NRXN1: variants seen among roughly 807,000 people sequenced by gnomAD.
NRXN1 encodes neurexin-1.
NRXN1 carries 39 observed loss-of-function variants against 150.9 expected under a neutral mutation model. The observed-to-expected ratio is 0.26, with a 90% CI of 0.20 to 0.34. NRXN1 has a LOEUF of 0.34. NRXN1 is among the 10% of genes least tolerant of loss of function. The pLI, the probability that NRXN1 is intolerant of heterozygous loss-of-function variation, is 1.00. For missense variants in NRXN1, 1,815 were observed against 1,949.9 expected (o/e 0.93, Z 1.30); for synonymous variants, 924 against 757.0 (o/e 1.22, Z -3.62).
chr2:50,484,446 C>A (rs1022814887), intron 15 of NRXN1, among the ~76,000 whole-genome samples: 3 of 152,088 alleles, frequency 2.0e-5, no homozygotes, highest in African/African-American at 7.2e-5. Flanking sequence ...AAGCAGGGAT[C>A]CCTCCTCCAG....
intron 2 of NRXN1, among the ~76,000 whole-genome samples, chr2:50,998,664 T>A (rs1181158451): frequency 1.3e-5 from 2 of 152,034 alleles, no homozygotes; most frequent in East Asian, 1.9e-4. Flanking sequence ...AAACTATTAA[T>A]GTTAGGATTA....
intron 16 of NRXN1, among the ~76,000 whole-genome samples, chr2:50,468,749 T>C (rs904223238): frequency 6.6e-6 from 1 of 151,424 alleles, no homozygotes; most frequent in Non-Finnish European, 1.5e-5. Flanking sequence ...TTTAGGAATG[T>C]CACCTTACTT....
At chr2:50,762,122 TACACACACACACAC>T (rs35059030) in intron 5 of NRXN1, among the ~76,000 whole-genome samples, 8 of 145,842 alleles carry the variant, frequency 5.5e-5, no homozygotes, top group Non-Finnish European at 9.1e-5. Flanking sequence ...TATATGTGTA[TACACACACACACAC>T]ACACACACAC....
chr2:50,483,044 C>T (rs368018521), intron 15 of NRXN1, among the ~76,000 whole-genome samples: 2 of 88,700 alleles, frequency 2.3e-5, no homozygotes, highest in Admixed American at 1.4e-4. Flanking sequence ...GGGAGAGACT[C>T]CGTGTCAAAA....
chr2:50,320,832 T>C (rs895317042), intron 17 of NRXN1, among the ~76,000 whole-genome samples: 17 of 152,268 alleles, frequency 1.1e-4, no homozygotes, highest in African/African-American at 3.9e-4. Flanking sequence ...GTTTCATTCA[T>C]TGAACTATTG....
At position 50,204,361 on chromosome 2, in the gene NRXN1, TG is replaced by T. The variant is rs771079050; in HGVS notation, c.3546+32427del. 8.9e-3 allele frequency among the ~76,000 whole-genome samples: 1,351 copies of T among 151,650 alleles called. 10 individuals carry two copies. Among genetic ancestry groups the T allele is most frequent in the Non-Finnish European group, 0.012 (805 of 67,838 alleles). ...AATACCGTGTGTGTGTGTGTGTGTG[TG>T]TGTGTGTGTGTATGTTTGTATGTAA... On this transcript the variant is annotated intron_variant, in intron 18 of 22. Coordinates refer to ENST00000401669, the MANE Select transcript of NRXN1 (RefSeq NM_001330078.2).
intron 5 of NRXN1, among the ~76,000 whole-genome samples, chr2:50,791,318 A>AAAC (rs1268736729): frequency 1.3e-5 from 2 of 150,126 alleles, no homozygotes; most frequent in Non-Finnish European, 3.0e-5. Flanking sequence ...TTGCTACAAA[A>AAAC]AAAAAAAAAA....
At chr2:50,718,213 A>C (rs1696116538) in intron 5 of NRXN1, among the ~76,000 whole-genome samples, 1 of 152,146 alleles carries the variant, frequency 6.6e-6, no homozygotes, top group Non-Finnish European at 1.5e-5. Context: ...GACTTTTATG[A>C]GACTTATTTT....
intron 8 of NRXN1, among the ~76,000 whole-genome samples, chr2:50,558,550 T>A (rs529617457): frequency 6.6e-6 from 1 of 152,330 alleles, no homozygotes; most frequent in African/African-American, 2.4e-5. Context: ...GTGTATCTAC[T>A]GATTAAAATG....
intron 16 of NRXN1, among the ~76,000 whole-genome samples, chr2:50,469,696 T>C (rs2104683625): frequency 6.6e-6 from 1 of 151,300 alleles, no homozygotes. Flanking sequence ...AAATTAAAAG[T>C]TGTTCACCTT....
intron 5 of NRXN1, among the ~76,000 whole-genome samples, chr2:50,674,102 A>T (rs369458619): frequency 3.9e-5 from 6 of 152,154 alleles, no homozygotes; most frequent in Non-Finnish European, 8.8e-5. Context: ...TATAATAAAA[A>T]AAAGGAAAGT....
intron 5 of NRXN1, among the ~76,000 whole-genome samples, chr2:50,861,086 C>G (rs548627542): frequency 6.6e-6 from 1 of 152,110 alleles, no homozygotes; most frequent in East Asian, 1.9e-4. Context: ...TCATTGTTTA[C>G]AGTTGGTGGT....
intron 5 of NRXN1, among the ~76,000 whole-genome samples, chr2:50,814,753 T>G (rs115411175): frequency 3.3e-5 from 5 of 152,314 alleles, no homozygotes; most frequent in African/African-American, 1.2e-4. Context: ...ACAAAGGTAT[T>G]TGATACATTT....
At chr2:49,938,390 T>C (rs546912148) in intron 22 of NRXN1, among the ~76,000 whole-genome samples, 64 of 152,306 alleles carry the variant, frequency 4.2e-4, no homozygotes, top group African/African-American at 1.5e-3. Context: ...TATCATTGCT[T>C]ATGTAATCTG....
chr2:50,245,442 A>G (rs2066409050), intron 17 of NRXN1, among the ~76,000 whole-genome samples: 1 of 151,966 alleles, frequency 6.6e-6, no homozygotes, highest in African/African-American at 2.4e-5. Flanking sequence ...CAGTAGGTGA[A>G]CTTTATTAAA....
chr2:50,120,752 A>G (rs1269817483), intron 18 of NRXN1, among the ~76,000 whole-genome samples: 1 of 152,200 alleles, frequency 6.6e-6, no homozygotes, highest in East Asian at 1.9e-4. Context: ...AGTTATTAAA[A>G]TTTAATCTTT....
intron 17 of NRXN1, among the ~76,000 whole-genome samples, chr2:50,362,876 C>T (rs915718224): frequency 2.6e-5 from 4 of 152,152 alleles, no homozygotes; most frequent in Non-Finnish European, 5.9e-5. Flanking sequence ...CAGCATGGTA[C>T]TGGTACCAAA....
intron 21 of NRXN1, among the ~76,000 whole-genome samples, chr2:49,944,093 C>T (rs1672473420): frequency 6.6e-6 from 1 of 152,270 alleles, no homozygotes; most frequent in African/African-American, 2.4e-5. Context: ...TTAAAACAAC[C>T]TGGCAGAAAC....
At chr2:50,563,143 A>G (rs1669356867) in intron 8 of NRXN1, among the ~76,000 whole-genome samples, 1 of 152,192 alleles carries the variant, frequency 6.6e-6, no homozygotes, top group Admixed American at 6.6e-5. Flanking sequence ...AATATACATC[A>G]CAAGTTGCTT....
Sources: allele counts gnomAD v4.1 joint callset (sites outside exome capture counted in the v4.1 genomes callset), GRCh38; gene constraint gnomAD v4.1.1; transcripts MANE v1.5; gene names NCBI Gene and HGNC (gene_info 2026-07-23, HGNC 2026-07-21).